The following OR4N2 variants were observed in gnomAD, a reference collection of about 807,000 sequenced individuals.
OR4N2 encodes olfactory receptor 4N2.
For synonymous variants in OR4N2, 141 were observed against 140.4 expected (o/e 1.00, Z -0.03); for missense variants, 307 against 377.6 (o/e 0.81, Z 1.55).
intron 1 of OR4N2, among the ~76,000 whole-genome samples, chr14:19,822,813 C>T (rs908554788): frequency 2.0e-5 from 3 of 152,244 alleles, no homozygotes; most frequent in African/African-American, 7.2e-5. Flanking sequence ...CCCCATCAGA[C>T]CCAAAGAGTC....
intron 1 of OR4N2, among the ~76,000 whole-genome samples, chr14:19,813,245 C>T (rs1879345523): frequency 6.6e-6 from 1 of 152,222 alleles, no homozygotes; most frequent in Admixed American, 6.5e-5. Context: ...ATTTTGCTTC[C>T]TTTCTCTATT....
chr14:19,808,321 A>G (rs1879215275), intron 1 of OR4N2, among the ~76,000 whole-genome samples: 1 of 152,200 alleles, frequency 6.6e-6, no homozygotes, highest in African/African-American at 2.4e-5. Flanking sequence ...ATATAATTAT[A>G]TACTTAGAAA....
At chr14:19,820,264 T>A (rs376145583) in intron 1 of OR4N2, among the ~76,000 whole-genome samples, 270 of 152,244 alleles carry the variant, frequency 1.8e-3, no homozygotes, top group African/African-American at 6.1e-3. Context: ...TTTTGAAGAG[T>A]TTTTTGTGTC....
chr14:19,829,810 C>T lies in OR4N2; in HGVS notation c.*1438C>T, dbSNP rs970304238. ...TTTTTGATAATCGCCAAAGTTTATACTTAGGAATATAAATTTTGTACATGG... is the reference window on the plus strand; with the variant it reads ...TTTTTGATAATCGCCAAAGTTTATATTTAGGAATATAAATTTTGTACATGG... On this transcript the variant is annotated 3_prime_UTR_variant, in exon 2 of 2. Transcript: ENST00000557677. The T allele has an allele frequency of 2.6e-5, 4 of 152,240 alleles. No homozygotes were observed. Among genetic ancestry groups the T allele is most frequent in the African/African-American group, 9.6e-5 (4 of 41,452 alleles). 9.4% of individuals were successfully genotyped at this position (152,240 alleles called of 1,614,324 possible). A position where few individuals can be genotyped will look rare whatever the true frequency, so the allele number is the denominator to read the frequency against.
chr14:19,817,918 T>C (rs1422704536), intron 1 of OR4N2, among the ~76,000 whole-genome samples: 1 of 152,280 alleles, frequency 6.6e-6, no homozygotes, highest in Non-Finnish European at 1.5e-5. Context: ...AAAGAACTTA[T>C]TTATTTCTGC....
At chr14:19,818,895 A>G (rs1323620368) in intron 1 of OR4N2, among the ~76,000 whole-genome samples, 4 of 152,222 alleles carry the variant, frequency 2.6e-5, no homozygotes, top group African/African-American at 9.7e-5. Flanking sequence ...AAAATCTGTT[A>G]GTATTTTCTT....
intron 1 of OR4N2, among the ~76,000 whole-genome samples, chr14:19,805,130 G>T (rs1352550393): frequency 6.6e-6 from 1 of 152,158 alleles, no homozygotes; most frequent in African/African-American, 2.4e-5. Flanking sequence ...ATACAGTTGG[G>T]TCTTGCTTCT....
chr14:19,812,143 TC>T (rs1879310684), intron 1 of OR4N2, among the ~76,000 whole-genome samples: 1 of 152,134 alleles, frequency 6.6e-6, no homozygotes, highest in Non-Finnish European at 1.5e-5. Flanking sequence ...AACTATTAAC[TC>T]TGAAAAACGA....
chr14:19,823,299 T>G (rs1316852429), intron 1 of OR4N2, among the ~76,000 whole-genome samples: 5 of 152,228 alleles, frequency 3.3e-5, no homozygotes, highest in African/African-American at 1.2e-4. Flanking sequence ...TGAAATTAAC[T>G]TCTTTTTTTT....
intron 1 of OR4N2, among the ~76,000 whole-genome samples, chr14:19,824,518 G>C (rs1347820216): frequency 6.6e-6 from 1 of 152,336 alleles, no homozygotes; most frequent in Non-Finnish European, 1.5e-5. Flanking sequence ...GTTAGCATGT[G>C]GGATACATAA....
chr14:19,827,775 A>T lies in OR4N2; in HGVS notation c.327A>T (p.Gly109=), dbSNP rs1566469727. 1 of 1,614,056 alleles carries T rather than the reference A, an allele frequency of 6.2e-7. No homozygotes were observed. The highest frequency in any genetic ancestry group is 1.7e-5 in the Admixed American group (1 of 59,990). ...TQLFFLHFLG[G]GEGLLLVVMA... is the part of the protein sequence containing the mutation. ...TCTTTTTCTTGCACTTCCTTGGAGG[A>T]GGGGAGGGATTACTCCTTGTTGTGA... The change falls in exon 2 of 2, where the codon GGA becomes GGT. Residue 109 remains glycine, a synonymous_variant. Coordinates refer to ENST00000557677, the MANE Select transcript of OR4N2 (RefSeq NM_001004723.3).
intron 1 of OR4N2, among the ~76,000 whole-genome samples, chr14:19,811,345 A>C (rs1879290563): frequency 6.6e-6 from 1 of 152,180 alleles, no homozygotes; most frequent in African/African-American, 2.4e-5. Context: ...CTCCTGGGTT[A>C]ATGCCATTCT....
rs1879723066 is a variant in OR4N2 at position 19,827,317 on chromosome 14, G to T, written c.-9-123G>T. The T allele has an allele frequency of 1.5e-5, 12 of 824,036 alleles. No individual in the cohort carries two copies. In the South Asian group the frequency reaches 2.0e-4, roughly 14 times the overall value. The allele number at this position is 824,036 out of a possible 1,614,324, so 51.0% of individuals were successfully genotyped here. On this transcript the variant is annotated intron_variant, in intron 1 of 1. Coordinates refer to ENST00000557677, the MANE Select transcript of OR4N2 (RefSeq NM_001004723.3). ...AATGGAGTTTCCCCAGAATAGGAGA[G>T]GGATGGGAAATGTTGTTTTTAGCTG...
Position 19,829,699 on chromosome 14 carries a change from C to CAAATG in OR4N2, c.*1329_*1333dup. On this transcript the variant is annotated 3_prime_UTR_variant, in exon 2 of 2. Transcript: ENST00000557677. Reference sequence around the variant, plus strand: ...ACTAGCTGACTATATATTCAAATCTCAAATGAGTACATTAAATGGGCAGCA... The same window carrying CAAATG: ...ACTAGCTGACTATATATTCAAATCTCAAATGAAATGAGTACATTAAATGGGCAGCA... The CAAATG allele has an allele frequency of 6.6e-6, 1 of 152,372 alleles. No homozygotes were observed. The highest frequency in any genetic ancestry group is 1.9e-4 in the East Asian group (1 of 5,192). 9.4% of individuals were successfully genotyped at this position (152,372 alleles called of 1,614,324 possible).
chr14:19,814,915 T>C (rs545587192), intron 1 of OR4N2, among the ~76,000 whole-genome samples: 3 of 152,224 alleles, frequency 2.0e-5, no homozygotes, highest in African/African-American at 7.2e-5. Context: ...AGTGAGAACA[T>C]GTGGTGTTTG....
At chr14:19,808,017 T>G (rs1251903117) in intron 1 of OR4N2, among the ~76,000 whole-genome samples, 2 of 152,176 alleles carry the variant, frequency 1.3e-5, no homozygotes, top group Non-Finnish European at 2.9e-5. Flanking sequence ...AGAAAAAGCT[T>G]TCAATAACAT....
At chr14:19,808,264 C>T (rs1879213661) in intron 1 of OR4N2, among the ~76,000 whole-genome samples, 1 of 152,174 alleles carries the variant, frequency 6.6e-6, no homozygotes, top group Admixed American at 6.5e-5. Flanking sequence ...AAATAAAAGA[C>T]ATCCAAATAG....
chr14:19,816,956 G>A (rs1450776684), intron 1 of OR4N2, among the ~76,000 whole-genome samples: 1 of 152,222 alleles, frequency 6.6e-6, no homozygotes, highest in Non-Finnish European at 1.5e-5. Flanking sequence ...TAATGATGTG[G>A]TGTTTTTCAC....
At chr14:19,811,935 A>G (rs1346297788) in intron 1 of OR4N2, among the ~76,000 whole-genome samples, 2 of 152,296 alleles carry the variant, frequency 1.3e-5, no homozygotes, top group Non-Finnish European at 2.9e-5. Flanking sequence ...ACATGTGCTG[A>G]CCATTGAAAG....
Sources: gnomAD v4.1 joint callset for allele counts (sites outside exome capture counted in the v4.1 genomes callset) on GRCh38, gnomAD v4.1.1 for gene constraint, MANE v1.5 for transcripts, NCBI Gene and HGNC (gene_info 2026-07-23, HGNC 2026-07-21) for gene names.